SLC9A9: variants seen among roughly 807,000 people sequenced by gnomAD.
SLC9A9 encodes sodium/hydrogen exchanger 9.
SLC9A9 carries 62 observed loss-of-function variants against 77.8 expected under a neutral mutation model. The observed-to-expected ratio is 0.80, with a 90% CI of 0.65 to 0.98. The LOEUF (loss-of-function observed/expected upper bound fraction) is 0.98, where lower values mean the gene tolerates loss of function less well. SLC9A9 is among the 50% of genes least tolerant of loss of function. SLC9A9 has a pLI of 0.00. For synonymous variants in SLC9A9, 320 were observed against 283.5 expected, an observed-to-expected ratio of 1.13 and a Z score of -1.29; for missense variants, 775 against 774.9, an observed-to-expected ratio of 1.00 and a Z score of 0.00.
intron 14 of SLC9A9, among the ~76,000 whole-genome samples, chr3:143,292,318 T>G (rs1389604945): frequency 6.6e-6 from 1 of 152,176 alleles, no homozygotes; most frequent in African/African-American, 2.4e-5. Context: ...ATGAAACACT[T>G]TTGGTTTTCA....
chr3:143,392,913 G>A (rs1400524703), intron 12 of SLC9A9, among the ~76,000 whole-genome samples: 2 of 151,774 alleles, frequency 1.3e-5, no homozygotes, highest in Admixed American at 6.6e-5. Flanking sequence ...TCCTAAATAT[G>A]CACCCAATAC....
At chr3:143,351,355 C>G (rs2032448987) in intron 14 of SLC9A9, among the ~76,000 whole-genome samples, 1 of 152,152 alleles carries the variant, frequency 6.6e-6, no homozygotes, top group African/African-American at 2.4e-5. Flanking sequence ...ATGGCCTAGA[C>G]AACATTTTCA....
At chr3:143,332,356 T>C (rs1019890230) in intron 14 of SLC9A9, among the ~76,000 whole-genome samples, 1 of 152,222 alleles carries the variant, frequency 6.6e-6, no homozygotes, top group Non-Finnish European at 1.5e-5. Flanking sequence ...ATTCACCATC[T>C]TGGTTACAGG....
At chr3:143,303,406 G>A (rs1262220099) in intron 14 of SLC9A9, among the ~76,000 whole-genome samples, 2 of 151,654 alleles carry the variant, frequency 1.3e-5, no homozygotes, top group Non-Finnish European at 2.9e-5. Flanking sequence ...AGGGAAGGAG[G>A]CAAGGCCTCT....
intron 14 of SLC9A9, among the ~76,000 whole-genome samples, chr3:143,324,678 T>C (rs1326101208): frequency 6.6e-6 from 1 of 151,760 alleles, no homozygotes; most frequent in African/African-American, 2.4e-5. Flanking sequence ...AAAATTTAGG[T>C]GAGTATGGTG....
At chr3:143,345,865 G>C (rs1219401756) in intron 14 of SLC9A9, among the ~76,000 whole-genome samples, 2 of 148,994 alleles carry the variant, frequency 1.3e-5, no homozygotes, top group Admixed American at 6.7e-5. Context: ...ATTCCAATCT[G>C]AACAAGTAGG....
chr3:143,593,075 A>T (rs1374317943), intron 6 of SLC9A9, among the ~76,000 whole-genome samples: 1 of 152,178 alleles, frequency 6.6e-6, no homozygotes, highest in Non-Finnish European at 1.5e-5. Flanking sequence ...TTAAAAAAAA[A>T]TTTGGAATGC....
intron 6 of SLC9A9, among the ~76,000 whole-genome samples, chr3:143,587,790 C>A (rs1040046232): frequency 6.6e-6 from 1 of 152,188 alleles, no homozygotes; most frequent in Non-Finnish European, 1.5e-5. Context: ...AGCAGCCAAG[C>A]CTGTCCTCAT....
At chr3:143,289,297 G>A (rs1353160742) in intron 14 of SLC9A9, among the ~76,000 whole-genome samples, 1 of 152,186 alleles carries the variant, frequency 6.6e-6, no homozygotes, top group Non-Finnish European at 1.5e-5. Flanking sequence ...TAACAAGGCT[G>A]CTCCGGTACA....
intron 9 of SLC9A9, among the ~76,000 whole-genome samples, chr3:143,545,267 C>G (rs1006792249): frequency 9.2e-5 from 14 of 152,238 alleles, no homozygotes; most frequent in African/African-American, 3.4e-4. Context: ...ACCCAAAAAC[C>G]AGCTTCTCAT....
At chr3:143,758,822 T>C (rs1446738204) in intron 4 of SLC9A9, among the ~76,000 whole-genome samples, 1 of 152,116 alleles carries the variant, frequency 6.6e-6, no homozygotes, top group Admixed American at 6.6e-5. Flanking sequence ...TTGAATGTAA[T>C]GTCTACATTT....
intron 8 of SLC9A9, among the ~76,000 whole-genome samples, chr3:143,565,530 A>C (rs2037153064): frequency 6.6e-6 from 1 of 152,186 alleles, no homozygotes; most frequent in African/African-American, 2.4e-5. Context: ...TATTTGGTTC[A>C]AGGAAGTGCA....
At chr3:143,430,741 CA>C (rs1210279693) in intron 12 of SLC9A9, among the ~76,000 whole-genome samples, 3 of 152,192 alleles carry the variant, frequency 2.0e-5, no homozygotes, top group Non-Finnish European at 4.4e-5. Context: ...CCATATCCAC[CA>C]CCCTTTCAGC....
intron 14 of SLC9A9, among the ~76,000 whole-genome samples, chr3:143,354,491 C>T (rs542104776): frequency 8.5e-5 from 13 of 152,270 alleles, no homozygotes; most frequent in South Asian, 6.2e-4. Context: ...CTGCAGTCTG[C>T]GAGCTAGACC....
chr3:143,294,378 G>A (rs566739945), intron 14 of SLC9A9, among the ~76,000 whole-genome samples: 1 of 152,264 alleles, frequency 6.6e-6, no homozygotes, highest in East Asian at 1.9e-4. Context: ...CTTTAGTAGG[G>A]CAAAGCTAAA....
chr3:143,649,022 C>T (rs1434445566), intron 6 of SLC9A9, among the ~76,000 whole-genome samples: 4 of 152,180 alleles, frequency 2.6e-5, no homozygotes, highest in Admixed American at 2.6e-4. Flanking sequence ...AATACAGATT[C>T]TCTTTTTGTT....
intron 14 of SLC9A9, among the ~76,000 whole-genome samples, chr3:143,284,166 C>T (rs1483952136): frequency 6.6e-6 from 1 of 152,070 alleles, no homozygotes; most frequent in Non-Finnish European, 1.5e-5. Flanking sequence ...ATTTCACCCT[C>T]CTAAATCACA....
intron 5 of SLC9A9, among the ~76,000 whole-genome samples, chr3:143,655,252 G>A (rs536883189): frequency 7.1e-4 from 108 of 152,318 alleles, no homozygotes; most frequent in African/African-American, 2.5e-3. Context: ...CTCCGCAGGA[G>A]AGAATCTTTG....
chr3:143,838,070 T>C (rs959775736), intron 1 of SLC9A9, among the ~76,000 whole-genome samples: 10 of 152,232 alleles, frequency 6.6e-5, no homozygotes, highest in African/African-American at 1.7e-4. Flanking sequence ...CTTAATTCTG[T>C]TTCTGTCAGG....
Sources: allele counts gnomAD v4.1 joint callset (sites outside exome capture counted in the v4.1 genomes callset), GRCh38; gene constraint gnomAD v4.1.1; transcripts MANE v1.5; gene names NCBI Gene and HGNC (gene_info 2026-07-23, HGNC 2026-07-21).